The following DPP7 variants were observed in gnomAD, a reference collection of about 807,000 sequenced individuals.
DPP7 encodes dipeptidyl peptidase 2.
In DPP7, 74 loss-of-function variants were observed where a neutral mutation model predicts 58.8. That is an observed-to-expected ratio of 1.26 (90% CI 1.04 to 1.53). The LOEUF (loss-of-function observed/expected upper bound fraction) is 1.53, where lower values mean the gene tolerates loss of function less well. DPP7 is among the 40% of genes most tolerant of loss of function. The pLI is 0.00. For synonymous variants in DPP7, 350 were observed against 303.6 expected (o/e 1.15, Z -1.59); for missense variants, 807 against 692.3 (o/e 1.17, Z -1.86).
At position 137,112,161 on chromosome 9, in the gene DPP7, T is replaced by C; in HGVS notation, c.1001A>G (p.Asp334Gly). The change falls in exon 9 of 13, where the codon GAC becomes GGC. Residue 334 changes from aspartate to glycine, a missense_variant. Coordinates refer to ENST00000371579, the MANE Select transcript of DPP7 (RefSeq NM_013379.3). The part of the protein sequence containing the change: ...DIYRLYHSCA[D>G]PTGCGTGPDA... ...GGGGCCGGTGCCGCAGCCAGTGGGG[T>C]CAGCACAGCTGTGGTAGAGCCGGTA... 1 of 1,609,254 alleles carries C rather than the reference T, an allele frequency of 6.2e-7. No homozygotes were observed. The highest frequency in any genetic ancestry group is 2.2e-5 in the East Asian group (1 of 44,844).
chr9:137,113,664 G>A (rs1831491480), intron 4 of DPP7, 168 bp from the exon 5 acceptor site: 7 of 1,427,314 alleles, frequency 4.9e-6, no homozygotes, highest in Non-Finnish European at 6.4e-6. Flanking sequence ...CCGCTAGTGT[G>A]GCCGCACATC....
At chr9:137,117,329 G>C (rs117097593), upstream of DPP7, among the ~76,000 whole-genome samples, 2 of 152,328 alleles carry the variant, frequency 1.3e-5, no homozygotes, top group East Asian at 3.9e-4. Context: ...GGCACAGTAG[G>C]TCACCCAAGG....
rs199703007 is a variant in DPP7, at chr9:137,110,716, C to T, written c.1411G>A (p.Glu471Lys). 2.4e-5 allele frequency: 39 copies of T among 1,607,956 alleles called. No homozygotes were observed. The highest frequency in any genetic ancestry group is 1.2e-4 in the Admixed American group (7 of 59,986). ...TCACGCCTGGCTGCCTTTACCCACT[C>T]GCCGATGATGGTGGCCTCCAGCTTC... ...ARKLEATIIG[E>K]WVKAARREQQ... Residue 471 changes from glutamate (E) to lysine (K), a missense_variant, in exon 13 of 13, where the codon GAG (glutamate) becomes AAG (lysine). This residue lies in a region of DPP7 where 624 missense variants were observed against 531.2 expected (regional missense o/e 1.17). Transcript: ENST00000371579.
chr9:137,110,946 C>T lies in DPP7; in HGVS notation c.1277G>A (p.Arg426Gln), dbSNP rs760484543. Reference sequence around the variant, plus strand: ...GATGACTGAGGCACTCAGGTTCCTCCGAATCTGTGGTCAGTGGAAAGAACT... The same window carrying T: ...GATGACTGAGGCACTCAGGTTCCTCTGAATCTGTGGTCAGTGGAAAGAACT... ...NLDPWAGGGI[R>Q]RNLSASVIAV... The change falls in exon 12 of 13, where the codon CGG (arginine) becomes CAG (glutamine). Residue 426 changes from arginine to glutamine, a missense_variant. Coordinates refer to ENST00000371579, the MANE Select transcript of DPP7 (RefSeq NM_013379.3). The T allele has an allele frequency of 3.2e-5, 52 of 1,612,868 alleles. No homozygotes were observed. In the South Asian group the frequency reaches 3.7e-4, roughly 12 times the overall value.
upstream of DPP7, among the ~76,000 whole-genome samples, chr9:137,115,924 AC>A (rs1831625628): frequency 6.6e-6 from 1 of 150,392 alleles, no homozygotes; most frequent in South Asian, 2.1e-4. Context: ...ATGTGGAGGT[AC>A]CCCACGGCGT....
chr9:137,115,510 G>A (rs1384831270), upstream of DPP7, among the ~76,000 whole-genome samples: 2 of 152,170 alleles, frequency 1.3e-5, no homozygotes, highest in Non-Finnish European at 1.5e-5. Context: ...GGATGTACAT[G>A]GGCCGCTAGC....
In DPP7 at chr9:137,111,644, A is replaced by C. The variant is rs76527073; in HGVS notation, c.1272+46T>G. 1.0e-3 allele frequency: 1,593 copies of C among 1,590,006 alleles called. 10 individuals are homozygous for C. The highest frequency in any genetic ancestry group is 8.1e-3 in the African/African-American group (598 of 73,552). ...CAGAGAAAGACCCTGTCTCAAAAAAAAAACAAACAAACTAACGGGGTCATA... is the reference window on the plus strand; with the variant it reads ...CAGAGAAAGACCCTGTCTCAAAAAACAAACAAACAAACTAACGGGGTCATA... On this transcript the variant is annotated intron_variant, in intron 11 of 12. Coordinates refer to ENST00000371579, the MANE Select transcript of DPP7 (RefSeq NM_013379.3).
chr9:137,116,731 G>A (rs1224923181), upstream of DPP7, among the ~76,000 whole-genome samples: 1 of 152,254 alleles, frequency 6.6e-6, no homozygotes, highest in Non-Finnish European at 1.5e-5. Context: ...GTTGAGATAA[G>A]AGGAAGGCTT....
At chr9:137,113,578 C>T in intron 4 of DPP7, 82 bp from the exon 5 acceptor site, 1 of 1,476,818 alleles carries the variant, frequency 6.8e-7, no homozygotes, top group Non-Finnish European at 8.9e-7. Flanking sequence ...ACAGGTGCCA[C>T]AAGGAGGACG....
At chr9:137,111,215 G>C (rs1831346546) in intron 11 of DPP7, among the ~76,000 whole-genome samples, 1 of 151,794 alleles carries the variant, frequency 6.6e-6, no homozygotes, top group Non-Finnish European at 1.5e-5. Context: ...GGGCAGGTGA[G>C]GGGCCTGTGA....
chr9:137,113,494 T>A lies in DPP7; in HGVS notation c.488A>T (p.Tyr163Phe). 6.4e-7 allele frequency: 1 copy of A among 1,561,364 alleles called. No individual in the cohort carries two copies. Among genetic ancestry groups the A allele is most frequent in the Non-Finnish European group, 8.7e-7 (1 of 1,152,278 alleles). Residue 163 changes from tyrosine to phenylalanine, a missense_variant and splice_region_variant, in exon 5 of 13, where the codon TAT becomes TTT. By Grantham distance (22) the Tyr-to-Phe change is conservative. Around this residue, in one of 3 missense-constraint regions of DPP7, gnomAD observed 624 missense variants for 531.2 expected, o/e 1.17. Coordinates refer to ENST00000371579, the MANE Select transcript of DPP7 (RefSeq NM_013379.3). ...DAPAIAFGGS[Y>F]GGMLSAYLRM... ...CAGGTAGGCACTGAGCATCCCCCCA[T>A]AACTGGGTGAGGGACACAGGGTTAG...
Position 137,114,330 on chromosome 9 carries a change from C to T in DPP7, c.234G>A (p.Glu78=). The change falls in exon 3 of 13, where the codon GAG becomes GAA. Residue 78 remains glutamate, a synonymous_variant. Coordinates refer to ENST00000371579, the MANE Select transcript of DPP7 (RefSeq NM_013379.3). ...TGTTGGCGAAGGCCCACACGTCGCC[C>T]TCGTTCCCAGTGTAGAAGAAGATGG... The part of the protein sequence containing the change: ...EGPIFFYTGN[E]GDVWAFANNS... The T allele has an allele frequency of 6.2e-7, 1 of 1,606,460 alleles. No individual in the cohort carries two copies. The highest frequency in any genetic ancestry group is 1.1e-5 in the South Asian group (1 of 90,468).
At position 137,114,482 on chromosome 9, in the gene DPP7, A is replaced by C. The variant is rs11145999; in HGVS notation, c.162T>G (p.Pro54=). Residue 54 remains proline (P), a synonymous_variant, in exon 2 of 13, where the codon CCT becomes CCG. Transcript: ENST00000371579. The stretch of plus-strand genomic sequence containing the variant: ...TCTCACCCGACACCAGGAAGCGCTG[A>C]GGGAAGGTCTTGTTGCCGAAGCGCT... ...NFERFGNKTF[P]QRFLVSDRFW... 3 of 1,576,320 alleles carry C rather than the reference A, an allele frequency of 1.9e-6. No individual in the cohort carries two copies. The highest frequency in any genetic ancestry group is 2.6e-6 in the Non-Finnish European group (3 of 1,161,676).
intron 8 of DPP7, 115 bp downstream of exon 8, chr9:137,112,630 G>A: frequency 7.8e-7 from 1 of 1,286,024 alleles, no homozygotes; most frequent in Non-Finnish European, 1.1e-6. Context: ...CCACAGCCCT[G>A]GGGCAGGAGG....
At position 137,111,948 on chromosome 9, in the gene DPP7, G is replaced by A. The variant is rs370313786; in HGVS notation, c.1132C>T (p.Arg378Cys). ...FPDLPFTDEL[R>C]QRYCLDTWGV... Reference sequence around the variant, plus strand: ...CAGGTGTCCAGGCAGTACCGCTGGCGGAGCTCGTCAGTGAAGGGCAGGTCC... The same window carrying A: ...CAGGTGTCCAGGCAGTACCGCTGGCAGAGCTCGTCAGTGAAGGGCAGGTCC... Residue 378 changes from arginine to cysteine, a missense_variant, in exon 10 of 13, where the codon CGC (arginine) becomes TGC (cysteine). By Grantham distance (180) the Arg-to-Cys change is radical (BLOSUM62 -3). Coordinates refer to ENST00000371579, the MANE Select transcript of DPP7 (RefSeq NM_013379.3). 8.9e-5 allele frequency: 144 copies of A among 1,613,460 alleles called. No homozygotes were observed. The highest frequency in any genetic ancestry group is 5.4e-4 in the East Asian group (24 of 44,836).
At chr9:137,111,417 A>G (rs1463880431) in intron 11 of DPP7, among the ~76,000 whole-genome samples, 1 of 152,190 alleles carries the variant, frequency 6.6e-6, no homozygotes, top group Non-Finnish European at 1.5e-5. Flanking sequence ...CTGGGAGGCC[A>G]TGCGGGGAAG....
rs781512894 is a variant in DPP7 at position 137,114,423 on chromosome 9, C to T, written c.181+40G>A. On this transcript the variant is annotated intron_variant, in intron 2 of 12. Coordinates refer to ENST00000371579, the MANE Select transcript of DPP7 (RefSeq NM_013379.3). ...ATGAGGCGAGGGTGCCGGGGGGCGGCGGGACGGCGGGGGCGGCCGGGCCGG... is the reference window on the plus strand; with the variant it reads ...ATGAGGCGAGGGTGCCGGGGGGCGGTGGGACGGCGGGGGCGGCCGGGCCGG... 38 of 1,557,424 alleles carry T rather than the reference C, an allele frequency of 2.4e-5. No individual in the cohort carries two copies. The South Asian group carries it at 4.2e-4, about 17-fold the overall frequency.
At chr9:137,117,164 T>C (rs1831657397), upstream of DPP7, among the ~76,000 whole-genome samples, 1 of 152,204 alleles carries the variant, frequency 6.6e-6, no homozygotes, top group Non-Finnish European at 1.5e-5. Context: ...CTTATTTCTT[T>C]TCTCAGTCTC....
chr9:137,112,928 T>G (rs762236478), intron 7 of DPP7, 25 bp downstream of exon 7: 2 of 1,612,218 alleles, frequency 1.2e-6, no homozygotes, highest in Non-Finnish European at 1.7e-6. Flanking sequence ...GGCCTCTCCC[T>G]GCGCCCTGGG....
Sources: allele counts gnomAD v4.1 joint callset (sites outside exome capture counted in the v4.1 genomes callset), GRCh38; gene constraint gnomAD v4.1.1; regional missense constraint gnomAD v4.1.1; transcripts MANE v1.5; gene names NCBI Gene and HGNC (gene_info 2026-07-23, HGNC 2026-07-21).